TP63: variants seen among roughly 807,000 people sequenced by gnomAD.
The protein encoded by TP63 is tumor protein p63.
TP63 carries 17 observed loss-of-function variants against 82.8 expected under a neutral mutation model. That is an observed-to-expected ratio of 0.21 (90% CI 0.14 to 0.31). The LOEUF (loss-of-function observed/expected upper bound fraction) is 0.31. Ranked by LOEUF, TP63 falls within the 10% of genes least tolerant of loss-of-function variation. TP63 has a pLI of 1.00. For missense variants in TP63, 648 were observed against 895.3 expected, an observed-to-expected ratio of 0.72 and a Z score of 3.52; for synonymous variants, 330 against 321.7, an observed-to-expected ratio of 1.03 and a Z score of -0.28.
chr3:189,806,514 A>T (rs1383353910), intron 3 of TP63, among the ~76,000 whole-genome samples: 1 of 152,186 alleles, frequency 6.6e-6, no homozygotes, highest in Admixed American at 6.5e-5. Context: ...TTGGATACCT[A>T]AGAGCTTTAG....
chr3:189,732,575 G>A (rs1720252209), intron 1 of TP63, among the ~76,000 whole-genome samples: 1 of 152,190 alleles, frequency 6.6e-6, no homozygotes, highest in East Asian at 1.9e-4. Context: ...TTGACTACCA[G>A]GCGCTGTATG....
intron 1 of TP63, among the ~76,000 whole-genome samples, chr3:189,694,154 A>G (rs566555575): frequency 4.3e-4 from 66 of 152,274 alleles, no homozygotes; most frequent in Admixed American, 2.5e-3. Flanking sequence ...CTTTGAATAT[A>G]GTTTTCTCAT....
intron 3 of TP63, among the ~76,000 whole-genome samples, chr3:189,746,269 T>C (rs1410274468): frequency 6.6e-6 from 1 of 151,668 alleles, no homozygotes; most frequent in African/African-American, 2.4e-5. Flanking sequence ...ATATTCTAAG[T>C]GCTGAAAGAA....
intron 4 of TP63, among the ~76,000 whole-genome samples, chr3:189,839,608 C>T (rs1713681156): frequency 6.6e-6 from 1 of 152,100 alleles, no homozygotes; most frequent in African/African-American, 2.4e-5. Flanking sequence ...GATTGATCTC[C>T]AGAAGTTTGT....
chr3:189,694,036 A>G (rs1717152370), intron 1 of TP63, among the ~76,000 whole-genome samples: 1 of 152,234 alleles, frequency 6.6e-6, no homozygotes, highest in African/African-American at 2.4e-5. Flanking sequence ...GGTATAGCTC[A>G]GAGTGCCATG....
chr3:189,698,214 A>T (rs1299077289), intron 1 of TP63, among the ~76,000 whole-genome samples: 1 of 152,048 alleles, frequency 6.6e-6, no homozygotes, highest in African/African-American at 2.4e-5. Context: ...TATACTCCCA[A>T]TGTCCTGAGA....
chr3:189,861,901 A>T (rs1229589486), intron 4 of TP63, among the ~76,000 whole-genome samples: 1 of 152,186 alleles, frequency 6.6e-6, no homozygotes, highest in Non-Finnish European at 1.5e-5. Context: ...TTATTTTCTT[A>T]TTTATAAAAT....
At chr3:189,842,266 T>C (rs1714238441) in intron 4 of TP63, among the ~76,000 whole-genome samples, 1 of 152,026 alleles carries the variant, frequency 6.6e-6, no homozygotes, top group Non-Finnish European at 1.5e-5. Flanking sequence ...TCTGTGTCCA[T>C]AAAGCTCTCC....
At chr3:189,649,282 A>G (rs970106815) in intron 1 of TP63, among the ~76,000 whole-genome samples, 2 of 147,132 alleles carry the variant, frequency 1.4e-5, no homozygotes, top group Non-Finnish European at 3.0e-5. Context: ...ACCATGGAAC[A>G]CTATGCAGCG....
At chr3:189,843,829 A>G (rs1331096164) in intron 4 of TP63, among the ~76,000 whole-genome samples, 1 of 152,194 alleles carries the variant, frequency 6.6e-6, no homozygotes, top group East Asian at 1.9e-4. Flanking sequence ...AGAGGACTAG[A>G]AGCCAAACTC....
At chr3:189,768,278 A>G (rs958349874) in intron 3 of TP63, among the ~76,000 whole-genome samples, 3 of 152,094 alleles carry the variant, frequency 2.0e-5, no homozygotes, top group African/African-American at 7.2e-5. Context: ...TTTACTATTT[A>G]CTTTTTTAGG....
At chr3:189,754,337 A>G (rs569028252) in intron 3 of TP63, among the ~76,000 whole-genome samples, 3 of 152,186 alleles carry the variant, frequency 2.0e-5, no homozygotes, top group African/African-American at 4.8e-5. Context: ...AATCACCCAC[A>G]TATAACTCAA....
intron 1 of TP63, among the ~76,000 whole-genome samples, chr3:189,659,747 A>C (rs933729467): frequency 6.6e-6 from 1 of 152,014 alleles, no homozygotes. Context: ...TAGAAATTCT[A>C]AATGGTATGA....
intron 4 of TP63, among the ~76,000 whole-genome samples, chr3:189,847,577 C>T (rs191849685): frequency 6.6e-6 from 1 of 152,168 alleles, no homozygotes; most frequent in Admixed American, 6.5e-5. Flanking sequence ...TCCCCCCACC[C>T]ATCACAGTAT....
intron 3 of TP63, among the ~76,000 whole-genome samples, chr3:189,765,459 CAG>C (rs1460534198): frequency 2.5e-3 from 2 of 804 alleles, no homozygotes; most frequent in African/African-American, 4.8e-3. Flanking sequence ...TTTTTTGAGA[CAG>C]AGTCTCACTC....
intron 11 of TP63, among the ~76,000 whole-genome samples, chr3:189,888,099 C>G (rs1178641343): frequency 6.6e-6 from 1 of 151,940 alleles, no homozygotes; most frequent in Non-Finnish European, 1.5e-5. Flanking sequence ...CTCAGGTGAT[C>G]CACCCACCTC....
At chr3:189,806,440 C>T (rs1488386571) in intron 3 of TP63, among the ~76,000 whole-genome samples, 1 of 152,236 alleles carries the variant, frequency 6.6e-6, no homozygotes, top group East Asian at 1.9e-4. Context: ...GCTTTGTATA[C>T]TGACCCTTAA....
chr3:189,819,448 C>A (rs986150020), intron 4 of TP63, among the ~76,000 whole-genome samples: 3 of 152,070 alleles, frequency 2.0e-5, no homozygotes, highest in African/African-American at 7.2e-5. Flanking sequence ...TCCCCCCTTC[C>A]CTCACCCCAC....
intron 4 of TP63, among the ~76,000 whole-genome samples, chr3:189,812,104 A>G (rs1373578678): frequency 6.6e-6 from 1 of 152,214 alleles, no homozygotes; most frequent in Non-Finnish European, 1.5e-5. Context: ...TTTAATAAAA[A>G]TATTTTTAGT....
Sources: allele counts gnomAD v4.1 joint callset (sites outside exome capture counted in the v4.1 genomes callset), GRCh38; gene constraint gnomAD v4.1.1; transcripts MANE v1.5; gene names NCBI Gene and HGNC (gene_info 2026-07-23, HGNC 2026-07-21).